P3H2: variants seen among roughly 807,000 people sequenced by gnomAD.
P3H2 encodes the protein prolyl 3-hydroxylase 2, also known as leprecan-like 1.
P3H2 carries 80 observed loss-of-function variants against 87.0 expected under a neutral mutation model. The ratio of observed to expected loss-of-function variants is 0.92; its 90% CI spans 0.77 to 1.11. The LOEUF (loss-of-function observed/expected upper bound fraction) is 1.11. P3H2 is among the 50% of genes least tolerant of loss of function. The probability of loss-of-function intolerance (pLI) is 0.00; values close to 1 mark genes in which losing one functional copy is unlikely to be tolerated. For synonymous variants in P3H2, 367 were observed against 359.3 expected, an observed-to-expected ratio of 1.02 and a Z score of -0.24; for missense variants, 1,001 against 923.9, an observed-to-expected ratio of 1.08 and a Z score of -1.08.
In P3H2 at chr3:189,978,718, T is replaced by C. The variant is rs541349187; in HGVS notation, c.1325-4033A>G. 3.3e-5 allele frequency among the ~76,000 whole-genome samples: 5 copies of C among 151,834 alleles called. No individual in the cohort carries two copies. In the South Asian group the frequency reaches 1.0e-3, roughly 32 times the overall value. On this transcript the variant is annotated intron_variant, in intron 8 of 14. Transcript: ENST00000319332. ...AAAAAAAAAAAGACAAATGAAACCCTATCATTCAACAGGCAAGTCAACCAG... is the reference window on the plus strand; with the variant it reads ...AAAAAAAAAAAGACAAATGAAACCCCATCATTCAACAGGCAAGTCAACCAG...
intron 7 of P3H2, chr3:189,983,620 G>A (rs918422807): frequency 3.9e-5 from 6 of 153,946 alleles, no homozygotes; most frequent in Admixed American, 1.3e-4. Context: ...CTTTATATAC[G>A]TAAAAATCAA....
intron 1 of P3H2, among the ~76,000 whole-genome samples, chr3:190,008,867 G>T (rs566262679): frequency 1.3e-5 from 2 of 152,112 alleles, no homozygotes; most frequent in East Asian, 3.9e-4. Context: ...AGTGAATCTG[G>T]GGGGTGGGGT....
rs9876903 is a variant in P3H2 at position 189,992,013 on chromosome 3, T to C, written c.823+2081A>G. ...TCTATCCAAGTTTGGTAAAAAATCA[T>C]ATGGGAATAGGAATTAAGGAAGATG... On this transcript the variant is annotated intron_variant, in intron 3 of 14. Coordinates refer to ENST00000319332, the MANE Select transcript of P3H2 (RefSeq NM_018192.4). Among the ~76,000 whole-genome samples, 1,418 of 152,186 alleles carry C rather than the reference T, an allele frequency of 9.3e-3. 24 individuals are homozygous for C. The highest frequency in any genetic ancestry group is 0.033 in the African/African-American group (1,379 of 41,500).
At chr3:190,098,618 T>A (rs1234090933) in intron 1 of P3H2, among the ~76,000 whole-genome samples, 1 of 152,148 alleles carries the variant, frequency 6.6e-6, no homozygotes, top group African/African-American at 2.4e-5. Flanking sequence ...CCTTTCTGGA[T>A]GAGAAAACAG....
At chr3:190,103,742 A>G (rs889530814) in intron 1 of P3H2, among the ~76,000 whole-genome samples, 6 of 152,328 alleles carry the variant, frequency 3.9e-5, no homozygotes, top group Middle Eastern at 3.4e-3. Flanking sequence ...TTAATTTAGT[A>G]GTGGTGACAA....
At chr3:190,023,318 T>C (rs1282360496) in intron 1 of P3H2, among the ~76,000 whole-genome samples, 1 of 152,214 alleles carries the variant, frequency 6.6e-6, no homozygotes, top group East Asian at 1.9e-4. Flanking sequence ...ATGAGTGTGT[T>C]ACTCCATTTT....
Position 189,983,037 on chromosome 3 carries a change from G to A in P3H2, c.1324+9C>T. 1.2e-6 allele frequency: 2 copies of A among 1,603,488 alleles called. No homozygotes were observed. The highest frequency in any genetic ancestry group is 1.7e-6 in the Non-Finnish European group (2 of 1,170,330). ...CTCCTTTATAGGGTAAAAGTGCACA[G>A]CTACTTACCTTCTCTTAGGTCTCGA... On this transcript the variant is annotated intron_variant, in intron 8 of 14. Transcript: ENST00000319332.
chr3:190,120,994 C>A (rs554249945), upstream of P3H2: 50 of 502,708 alleles, frequency 9.9e-5, no homozygotes, highest in Non-Finnish European at 1.6e-4. Flanking sequence ...CCCAGGCTCC[C>A]CGCTGCAGCG....
At chr3:190,121,954 T>C (rs979171890), upstream of P3H2, among the ~76,000 whole-genome samples, 2 of 151,394 alleles carry the variant, frequency 1.3e-5, no homozygotes, top group African/African-American at 2.4e-5. Context: ...TAGCTGGGCG[T>C]GGTGGCACGT....
rs372474583 is a variant in P3H2, at chr3:189,972,621, T to C, written c.1699+253A>G. Among the ~76,000 whole-genome samples, 823 of 152,230 alleles carry C rather than the reference T, an allele frequency of 5.4e-3. 3 individuals are homozygous for C. Among genetic ancestry groups the C allele is most frequent in the African/African-American group, 0.015 (617 of 41,524 alleles). The stretch of plus-strand genomic sequence containing the variant: ...CCTACAGCAGAAAAGCATTTTTTTT[T>C]CCCAAGACTTCAGCAATTGGGGAAA... On this transcript the variant is annotated intron_variant, in intron 11 of 14. Transcript: ENST00000319332.
chr3:190,112,097 T>C (rs1712091174), intron 1 of P3H2, among the ~76,000 whole-genome samples: 1 of 152,234 alleles, frequency 6.6e-6, no homozygotes, highest in Non-Finnish European at 1.5e-5. Context: ...ATCCTCTATA[T>C]TAGATGTGAG....
intron 1 of P3H2, among the ~76,000 whole-genome samples, chr3:190,104,467 T>C (rs1711754711): frequency 6.6e-6 from 1 of 152,084 alleles, no homozygotes; most frequent in African/African-American, 2.4e-5. Context: ...TAAATATTAT[T>C]ATAAAATATT....
chr3:189,975,020 T>C (rs1723306232), intron 8 of P3H2, among the ~76,000 whole-genome samples: 1 of 152,186 alleles, frequency 6.6e-6, no homozygotes, highest in African/African-American at 2.4e-5. Context: ...TCCACCCTTG[T>C]TCACAGCCCC....
At chr3:190,093,519 T>C (rs555172974) in intron 1 of P3H2, among the ~76,000 whole-genome samples, 1 of 152,298 alleles carries the variant, frequency 6.6e-6, no homozygotes, top group African/African-American at 2.4e-5. Flanking sequence ...ATTAAGGCAG[T>C]GTCCTCACGG....
chr3:190,112,209 C>T (rs1325826694), intron 1 of P3H2, among the ~76,000 whole-genome samples: 3 of 152,178 alleles, frequency 2.0e-5, no homozygotes, highest in East Asian at 1.9e-4. Flanking sequence ...GGATTCTAAT[C>T]CTGGATCTTC....
At chr3:189,963,881 GCAATTT>G (rs1722891556) in intron 14 of P3H2, 71 bp downstream of exon 14, 13 of 1,470,512 alleles carry the variant, frequency 8.8e-6, no homozygotes, top group Non-Finnish European at 1.2e-5. Flanking sequence ...CTCAGACGAA[GCAATTT>G]AAAGGACTTC....
intron 1 of P3H2, among the ~76,000 whole-genome samples, chr3:190,066,834 C>G (rs868692975): frequency 2.6e-5 from 4 of 151,986 alleles, no homozygotes; most frequent in Admixed American, 6.6e-5. Flanking sequence ...GTCAGACAGC[C>G]CCTCATCTGT....
chr3:189,969,060 G>A (rs1723088510), intron 13 of P3H2: 3 of 365,670 alleles, frequency 8.2e-6, no homozygotes, highest in South Asian at 4.2e-5. Flanking sequence ...TATTCTTCAG[G>A]CCATGGAGGG....
At chr3:190,101,759 C>A (rs893664758) in intron 1 of P3H2, among the ~76,000 whole-genome samples, 6 of 152,178 alleles carry the variant, frequency 3.9e-5, no homozygotes, top group African/African-American at 1.4e-4. Context: ...AAGGTGGCTG[C>A]ACTAAACAAC....
Sources: gnomAD v4.1 joint callset for allele counts (sites outside exome capture counted in the v4.1 genomes callset) on GRCh38, gnomAD v4.1.1 for gene constraint, MANE v1.5 for transcripts, NCBI Gene and HGNC (gene_info 2026-07-23, HGNC 2026-07-21) for gene names.